ATAD1: variants seen among roughly 807,000 people sequenced by gnomAD.
ATAD1 encodes the protein outer mitochondrial transmembrane helix translocase.
In ATAD1, 18 loss-of-function variants were observed where a neutral mutation model predicts 42.7. The ratio of observed to expected loss-of-function variants is 0.42; its 90% CI spans 0.29 to 0.63. ATAD1 has a LOEUF of 0.63. Ranked by LOEUF, ATAD1 falls within the 20% of genes least tolerant of loss-of-function variation. ATAD1 has a pLI of 0.19. For missense variants in ATAD1, 294 were observed against 440.4 expected, an observed-to-expected ratio of 0.67 and a Z score of 2.98; for synonymous variants, 132 against 143.1, an observed-to-expected ratio of 0.92 and a Z score of 0.55.
intron 2 of ATAD1, among the ~76,000 whole-genome samples, chr10:87,803,014 T>G (rs1856773883): frequency 6.6e-6 from 1 of 152,220 alleles, no homozygotes; most frequent in Non-Finnish European, 1.5e-5. Flanking sequence ...GCTAGACACT[T>G]AAACTTCAGA....
chr10:87,815,579 G>C (rs1589561647), intron 1 of ATAD1, among the ~76,000 whole-genome samples: 5 of 151,948 alleles, frequency 3.3e-5, no homozygotes, highest in Admixed American at 3.3e-4. Flanking sequence ...TGGCTCAGCA[G>C]ATAAAAGTTA....
At chr10:87,822,867 A>T (rs573988573), upstream of ATAD1, among the ~76,000 whole-genome samples, 3 of 152,138 alleles carry the variant, frequency 2.0e-5, no homozygotes, top group Non-Finnish European at 4.4e-5. Flanking sequence ...TGATTATAAC[A>T]CATTGTATGC....
chr10:87,787,870 G>A (rs923636007), intron 4 of ATAD1, among the ~76,000 whole-genome samples: 4 of 151,730 alleles, frequency 2.6e-5, no homozygotes, highest in African/African-American at 9.7e-5. Context: ...TTTTCCTTAG[G>A]TTACTCACAA....
At chr10:87,808,230 C>T (rs1205718060) in intron 2 of ATAD1, among the ~76,000 whole-genome samples, 1 of 151,796 alleles carries the variant, frequency 6.6e-6, no homozygotes, top group East Asian at 1.9e-4. Context: ...TTCTTCTTTT[C>T]CAATCCCCAC....
chr10:87,771,461 AAAT>A (rs1370938459), intron 6 of ATAD1, among the ~76,000 whole-genome samples: 10 of 152,298 alleles, frequency 6.6e-5, no homozygotes, highest in South Asian at 2.1e-4. Flanking sequence ...TCAAGTCCTT[AAAT>A]AATAATATTA....
At chr10:87,818,691 C>T (rs1484924897), upstream of ATAD1, 1 of 152,308 alleles carries the variant, frequency 6.6e-6, no homozygotes, top group Non-Finnish European at 1.5e-5. Flanking sequence ...CCTCATCCCT[C>T]ACCACCTGCC....
At chr10:87,839,905 T>C (rs1857999843) in intron 1 of ATAD1, among the ~76,000 whole-genome samples, 1 of 152,232 alleles carries the variant, frequency 6.6e-6, no homozygotes, top group African/African-American at 2.4e-5. Context: ...GCCTTCCTAT[T>C]CCTGTTCCAC....
intron 2 of ATAD1, among the ~76,000 whole-genome samples, chr10:87,811,044 A>G (rs899956455): frequency 6.6e-6 from 1 of 152,060 alleles, no homozygotes; most frequent in Non-Finnish European, 1.5e-5. Context: ...TGCCTTTAAG[A>G]TTTTTAGGCC....
At chr10:87,801,168 G>A (rs966774757) in intron 2 of ATAD1, among the ~76,000 whole-genome samples, 8 of 152,130 alleles carry the variant, frequency 5.3e-5, no homozygotes, top group Non-Finnish European at 1.0e-4. Flanking sequence ...AGGCCTTATC[G>A]TTTGGAGAAT....
intron 4 of ATAD1, among the ~76,000 whole-genome samples, chr10:87,789,200 T>G (rs17094436): frequency 6.6e-6 from 1 of 152,176 alleles, no homozygotes; most frequent in Non-Finnish European, 1.5e-5. Context: ...TTTTTAAAGA[T>G]CCACTTTTTT....
chr10:87,792,498 T>C (rs997038712), intron 3 of ATAD1, among the ~76,000 whole-genome samples, 159 bp downstream of exon 3: 13 of 152,156 alleles, frequency 8.5e-5, no homozygotes, highest in African/African-American at 3.1e-4. Context: ...ATCTTTTCAG[T>C]GTAATAAATC....
intron 8 of ATAD1, among the ~76,000 whole-genome samples, chr10:87,765,335 T>G (rs1361029112): frequency 6.6e-6 from 1 of 152,090 alleles, no homozygotes; most frequent in Non-Finnish European, 1.5e-5. Context: ...AAGTTTGGGA[T>G]AAAGAGGAAT....
intron 1 of ATAD1, among the ~76,000 whole-genome samples, chr10:87,827,254 G>A (rs1316175335): frequency 6.6e-6 from 1 of 152,118 alleles, no homozygotes; most frequent in Non-Finnish European, 1.5e-5. Flanking sequence ...TATTTATGCA[G>A]TATTTGAGAA....
intron 2 of ATAD1, among the ~76,000 whole-genome samples, chr10:87,808,240 C>G (rs1857014107): frequency 6.6e-6 from 1 of 151,790 alleles, no homozygotes; most frequent in African/African-American, 2.4e-5. Flanking sequence ...CCAATCCCCA[C>G]CTTTTTGACT....
chr10:87,804,419 G>A (rs1856834080), intron 2 of ATAD1, among the ~76,000 whole-genome samples: 1 of 152,232 alleles, frequency 6.6e-6, no homozygotes, highest in Non-Finnish European at 1.5e-5. Flanking sequence ...ACCCAGGCTG[G>A]AATGCAATGG....
At chr10:87,833,447 T>C (rs1403775384) in intron 1 of ATAD1, among the ~76,000 whole-genome samples, 1 of 152,194 alleles carries the variant, frequency 6.6e-6, no homozygotes, top group Non-Finnish European at 1.5e-5. Context: ...TCTTTCCCTA[T>C]CTGTATGTCT....
At chr10:87,758,352 C>A (rs575996555) in intron 8 of ATAD1, among the ~76,000 whole-genome samples, 1 of 151,922 alleles carries the variant, frequency 6.6e-6, no homozygotes, top group African/African-American at 2.4e-5. Flanking sequence ...GGGAGAAAAA[C>A]AGAATAAAGA....
intron 4 of ATAD1, among the ~76,000 whole-genome samples, chr10:87,786,970 T>A (rs1855869041): frequency 6.6e-6 from 1 of 151,546 alleles, no homozygotes; most frequent in African/African-American, 2.4e-5. Flanking sequence ...AAAAAAAAAG[T>A]TACACTAAAA....
rs7480 is a variant in ATAD1 at position 87,753,695 on chromosome 10, C to T, written c.*992G>A. The T allele has an allele frequency of 0.29, 44,365 of 152,374 alleles. 6,720 individuals are homozygous for T. Among genetic ancestry groups the T allele is most frequent in the Middle Eastern group, 0.31 (91 of 294 alleles). 9.4% of individuals were successfully genotyped at this position (152,374 alleles called of 1,614,324 possible). ...TTTTTAGCACACTTAGTAACAGCTA[C>T]TTGTTTTAAACTATTATTTCATTTT... On this transcript the variant is annotated 3_prime_UTR_variant, in exon 10 of 10. Transcript: ENST00000680024.
Sources: allele counts gnomAD v4.1 joint callset (sites outside exome capture counted in the v4.1 genomes callset), GRCh38; gene constraint gnomAD v4.1.1; transcripts MANE v1.5; gene names NCBI Gene and HGNC (gene_info 2026-07-23, HGNC 2026-07-21).